CCL28: variants seen among roughly 807,000 people sequenced by gnomAD.
CCL28 encodes the protein C-C motif chemokine 28.
CCL28 carries 4 observed loss-of-function variants against 7.1 expected under a neutral mutation model. The observed-to-expected ratio is 0.56, with a 90% confidence interval of 0.28 to 1.29. CCL28 has a LOEUF of 1.29. Among genes scored for constraint, CCL28 ranks in the 50% most tolerant of loss-of-function variants. The pLI, the probability that CCL28 is intolerant of heterozygous loss-of-function variation, is 0.11. For synonymous variants in CCL28, 55 were observed against 57.8 expected, an observed-to-expected ratio of 0.95 and a Z score of 0.22; for missense variants, 151 against 163.4, an observed-to-expected ratio of 0.92 and a Z score of 0.41.
chr5:43,371,846 T>G (rs1460862343), downstream of CCL28, among the ~76,000 whole-genome samples: 1 of 152,234 alleles, frequency 6.6e-6, no homozygotes, highest in Non-Finnish European at 1.5e-5. Context: ...AAGGAATAGC[T>G]GAGGCTGAGT....
chr5:43,362,014 T>C, the CCL28 span, among the ~76,000 whole-genome samples: 1 of 151,866 alleles, frequency 6.6e-6, no homozygotes, highest in African/African-American at 2.4e-5. Context: ...TTAAAATAGT[T>C]TTTTTTAGTT....
chr5:43,406,319 C>T (rs529873665), intron 1 of CCL28, among the ~76,000 whole-genome samples: 164 of 152,084 alleles, frequency 1.1e-3, no homozygotes, highest in African/African-American at 3.9e-3. Flanking sequence ...GGGCTTCATC[C>T]CTGGGATGCA....
At chr5:43,399,347 C>A (rs1740939589) in intron 1 of CCL28, among the ~76,000 whole-genome samples, 1 of 152,164 alleles carries the variant, frequency 6.6e-6, no homozygotes, top group Non-Finnish European at 1.5e-5. Flanking sequence ...TCTCAGTTGT[C>A]TACTTTCTTC....
chr5:43,362,991 A>G, the CCL28 span, among the ~76,000 whole-genome samples: 1 of 152,222 alleles, frequency 6.6e-6, no homozygotes, highest in Non-Finnish European at 1.5e-5. Flanking sequence ...GATTTGTTCT[A>G]CTTACTTGGG....
chr5:43,372,793 T>C (rs540983703), downstream of CCL28, among the ~76,000 whole-genome samples: 1 of 151,162 alleles, frequency 6.6e-6, no homozygotes, highest in African/African-American at 2.4e-5. Context: ...TTTAGAGCTG[T>C]TATCTGACTT....
the CCL28 span, among the ~76,000 whole-genome samples, chr5:43,360,153 A>C: frequency 1.3e-5 from 2 of 152,150 alleles, no homozygotes; most frequent in East Asian, 3.9e-4. Context: ...CAATTACACT[A>C]CCGGGTAATC....
At chr5:43,395,800 T>A (rs1006400121) in intron 1 of CCL28, among the ~76,000 whole-genome samples, 1 of 151,852 alleles carries the variant, frequency 6.6e-6, no homozygotes, top group Non-Finnish European at 1.5e-5. Flanking sequence ...TTTTTATGGT[T>A]ATTTCTTGAT....
At chr5:43,391,368 G>A (rs6892337) in intron 1 of CCL28, among the ~76,000 whole-genome samples, 12,971 of 152,194 alleles carry the variant, frequency 0.085, 1,088 homozygotes, top group African/African-American at 0.22. Context: ...AGTATTTTGA[G>A]GCCAGACAGC....
At position 43,381,703 on chromosome 5, in the gene CCL28, G is replaced by T; in HGVS notation, c.*157C>A. The T allele has an allele frequency of 1.6e-6, 1 of 622,906 alleles. No individual in the cohort carries two copies. 38.6% of individuals were successfully genotyped at this position (622,906 alleles called of 1,614,324 possible). ...CATTTTCCAGTTGAGTATATTATTG[G>T]CTACATTTGCATACCGCACAATTGT... On this transcript the variant is annotated 3_prime_UTR_variant, in exon 3 of 3. Transcript: ENST00000361115.
downstream of CCL28, among the ~76,000 whole-genome samples, chr5:43,374,557 C>G (rs866798083): frequency 6.6e-6 from 1 of 151,964 alleles, no homozygotes; most frequent in Non-Finnish European, 1.5e-5. Flanking sequence ...CCAAGGCGGG[C>G]GGATCACGAG....
intron 2 of CCL28, 121 bp downstream of exon 2, chr5:43,388,229 C>T: frequency 7.9e-7 from 1 of 1,269,996 alleles, no homozygotes; most frequent in African/African-American, 1.5e-5. Context: ...TTACTCTTCC[C>T]TCCCTTGTTT....
chr5:43,384,312 T>C (rs1343256106), intron 2 of CCL28, among the ~76,000 whole-genome samples: 1 of 152,114 alleles, frequency 6.6e-6, no homozygotes, highest in African/African-American at 2.4e-5. Context: ...GCATGTGGGC[T>C]TTTTCAAAGA....
Position 43,389,135 on chromosome 5 carries a change from G to A in CCL28, c.65-659C>T, listed in dbSNP as rs775050590. Among the ~76,000 whole-genome samples, 8 of 152,176 alleles carry A rather than the reference G, an allele frequency of 5.3e-5. No individual in the cohort carries two copies. In the South Asian group the frequency reaches 6.2e-4, roughly 12 times the overall value. On this transcript the variant is annotated intron_variant, in intron 1 of 2. Coordinates refer to ENST00000361115, the MANE Select transcript of CCL28 (RefSeq NM_148672.3). ...GGGGGGCTAAGGGATGGAGAGGGAC[G>A]AGTGAAAGGAGGGGACACGGAGTGA...
chr5:43,396,663 C>G lies in CCL28; in HGVS notation c.65-8187G>C, dbSNP rs372335203. Among the ~76,000 whole-genome samples, 3 of 151,884 alleles carry G rather than the reference C, an allele frequency of 2.0e-5. No individual in the cohort carries two copies. The South Asian group carries it at 6.2e-4, about 32-fold the overall frequency. ...GGGTGGGGTACAGTTAAATTTAGCC[C>G]TAAATGCATTTATTTAAAACACATA... On this transcript the variant is annotated intron_variant, in intron 1 of 2. Coordinates refer to ENST00000361115, the MANE Select transcript of CCL28 (RefSeq NM_148672.3).
chr5:43,376,324 C>T (rs1480417245), downstream of CCL28, among the ~76,000 whole-genome samples: 1 of 152,116 alleles, frequency 6.6e-6, no homozygotes, highest in Non-Finnish European at 1.5e-5. Context: ...GGACATTTGG[C>T]AATATCTTCA....
downstream of CCL28, among the ~76,000 whole-genome samples, chr5:43,378,817 C>T (rs922677725): frequency 2.6e-5 from 4 of 151,978 alleles, no homozygotes; most frequent in African/African-American, 9.7e-5. Context: ...AAAAAATAGC[C>T]AGATGTGGTG....
chr5:43,367,825 G>T, the CCL28 span, among the ~76,000 whole-genome samples: 7 of 152,198 alleles, frequency 4.6e-5, no homozygotes, highest in East Asian at 9.6e-4. Flanking sequence ...TATCTTGCCC[G>T]CAACTACCAA....
At chr5:43,384,032 G>A in intron 2 of CCL28, 1 of 186,804 alleles carries the variant, frequency 5.4e-6, no homozygotes, top group Non-Finnish European at 1.2e-5. Context: ...GGAGGTTGTA[G>A]TGAGCTGAGA....
At chr5:43,366,535 C>T in the CCL28 span, among the ~76,000 whole-genome samples, 1 of 152,236 alleles carries the variant, frequency 6.6e-6, no homozygotes, top group Non-Finnish European at 1.5e-5. Context: ...CCCAGAAGGG[C>T]ACCTGCCAGA....
Sources: gnomAD v4.1 joint callset for allele counts (sites outside exome capture counted in the v4.1 genomes callset) on GRCh38, gnomAD v4.1.1 for gene constraint, MANE v1.5 for transcripts, NCBI Gene and HGNC (gene_info 2026-07-23, HGNC 2026-07-21) for gene names.